The following HRAS variants were observed in gnomAD, a reference collection of about 807,000 sequenced individuals.
HRAS encodes the protein HRas proto-oncogene, GTPase.
HRAS carries 11 observed loss-of-function variants against 19.8 expected under a neutral mutation model. That is an observed-to-expected ratio of 0.55 (90% CI 0.35 to 0.92). The LOEUF (loss-of-function observed/expected upper bound fraction) is 0.92, where lower values mean the gene tolerates loss of function less well. Ranked by LOEUF, HRAS falls within the 40% of genes least tolerant of loss-of-function variation. HRAS has a pLI of 0.01. For missense variants in HRAS, 204 were observed against 255.9 expected, an observed-to-expected ratio of 0.80 and a Z score of 1.38; for synonymous variants, 149 against 105.5, an observed-to-expected ratio of 1.41 and a Z score of -2.52.
At chr11:533,646 G>A (rs45467697) in intron 3 of HRAS, 34 bp from the exon 4 acceptor site, 42 of 1,613,238 alleles carry the variant, frequency 2.6e-5, no homozygotes, top group Admixed American at 5.0e-5. Flanking sequence ...GGCTACGGGG[G>A]CTGCAGGCGC....
At chr11:534,018 G>C (rs2133992716) in intron 2 of HRAS, 74 bp from the exon 3 acceptor site, 1 of 1,506,586 alleles carries the variant, frequency 6.6e-7, no homozygotes, top group Non-Finnish European at 9.1e-7. Flanking sequence ...GCCTCTCCCT[G>C]GTACCTCTCA....
chr11:535,307 GCC>G (rs1851415858), intron 1 of HRAS, 107 bp downstream of exon 1: 1 of 109,878 alleles, frequency 9.1e-6, no homozygotes, highest in African/African-American at 4.3e-5. Context: ...CGCCGCCGCC[GCC>G]GCCGCTTACG....
Position 532,493 on chromosome 11 carries a change from CA to C in HRAS, c.*34del. 8.8e-7 allele frequency: 1 copy of C among 1,135,060 alleles called. No individual in the cohort carries two copies. The highest frequency in any genetic ancestry group is 1.3e-6 in the Non-Finnish European group (1 of 798,344). 70.3% of individuals were successfully genotyped at this position (1,135,060 alleles called of 1,614,324 possible). On this transcript the variant is annotated 3_prime_UTR_variant, in exon 6 of 6. Coordinates refer to ENST00000311189, the MANE Select transcript of HRAS (RefSeq NM_005343.4). ...TCCTTCCGTCTGCACCTCCTTCCTGCATCCGGCACCTCCATGTCCTGAGCTT... is the reference window on the plus strand; with the variant it reads ...TCCTTCCGTCTGCACCTCCTTCCTGCTCCGGCACCTCCATGTCCTGAGCTT...
At chr11:534,105 C>T in intron 2 of HRAS, 107 bp downstream of exon 2, 1 of 1,175,064 alleles carries the variant, frequency 8.5e-7, no homozygotes, top group Non-Finnish European at 1.3e-6. Flanking sequence ...GGAGACAGGG[C>T]CACAGCACCA....
rs1057520421 is a variant in HRAS, at chr11:533,906, C to T, written c.150G>A (p.Thr50=). The T allele has an allele frequency of 1.9e-6, 3 of 1,613,096 alleles. No homozygotes were observed. The highest frequency in any genetic ancestry group is 2.2e-5 in the East Asian group (1 of 44,890). ...CGGTATCCAGGATGTCCAACAGGCA[C>T]GTCTCCCCATCAATGACCACCTGCT... is the stretch of plus-strand genomic sequence containing the variant. ...YRKQVVIDGE[T]CLLDILDTAG... The change falls in exon 3 of 6, where the codon ACG becomes ACA. Residue 50 remains threonine, a synonymous_variant. Coordinates refer to ENST00000311189, the MANE Select transcript of HRAS (RefSeq NM_005343.4).
At position 532,752 on chromosome 11, in the gene HRAS, C is replaced by T. The variant is rs1851183840; in HGVS notation, c.454G>A (p.Val152Met). The T allele has an allele frequency of 6.2e-7, 1 of 1,612,496 alleles. No homozygotes were observed. The change falls in exon 5 of 6, where the codon GTG (valine) becomes ATG (methionine). Residue 152 changes from valine (V) to methionine (M), a missense_variant. Val to Met is a conservative substitution (Grantham distance 21). Around this residue, in one of 4 missense-constraint regions of HRAS, gnomAD observed 142 missense variants for 141.1 expected, o/e 1.01. Coordinates refer to ENST00000311189, the MANE Select transcript of HRAS (RefSeq NM_005343.4). Reference sequence around the variant, plus strand: ...ACCAACGTGTAGAAGGCATCCTCCACTCCCTGGGAAAGGAGGGATGGGATC... The same window carrying T: ...ACCAACGTGTAGAAGGCATCCTCCATTCCCTGGGAAAGGAGGGATGGGATC... ...IETSAKTRQG[V>M]EDAFYTLVRE...
In HRAS at chr11:532,497, C is replaced by T. The variant is rs557256997; in HGVS notation, c.*31G>A. The stretch of plus-strand genomic sequence containing the variant: ...TCCGTCTGCACCTCCTTCCTGCATC[C>T]GGCACCTCCATGTCCTGAGCTTGTG... On this transcript the variant is annotated 3_prime_UTR_variant, in exon 6 of 6. Transcript: ENST00000311189. 8.8e-5 allele frequency: 104 copies of T among 1,183,068 alleles called. No homozygotes were observed. The highest frequency in any genetic ancestry group is 5.9e-4 in the East Asian group (23 of 38,998). 73.3% of individuals were successfully genotyped at this position (1,183,068 alleles called of 1,614,324 possible).
At chr11:534,798 GGTGCCTCCGACAAGTATTTGCTGAGC>G (rs1247475369) in intron 1 of HRAS, among the ~76,000 whole-genome samples, 1 of 152,182 alleles carries the variant, frequency 6.6e-6, no homozygotes, top group Non-Finnish European at 1.5e-5. Context: ...CCGCGGCGCT[GGTGCCTCCGACAAGTATTTGCTGAGC>G]GCCTACTGCG....
In HRAS at chr11:532,472, T is replaced by C. The variant is rs551468158; in HGVS notation, c.*56A>G. The stretch of plus-strand genomic sequence containing the variant: ...GCTTCCGTCCTTCCTTCCTCCTCCT[T>C]CCGTCTGCACCTCCTTCCTGCATCC... On this transcript the variant is annotated 3_prime_UTR_variant, in exon 6 of 6. Transcript: ENST00000311189. The C allele has an allele frequency of 8.7e-5, 82 of 940,382 alleles. No homozygotes were observed. The highest frequency in any genetic ancestry group is 8.3e-4 in the African/African-American group (51 of 61,330). 58.3% of individuals were successfully genotyped at this position (940,382 alleles called of 1,614,324 possible).
In HRAS at chr11:533,474, C is replaced by T; in HGVS notation, c.429G>A (p.Glu143=). Residue 143 remains glutamate, a synonymous_variant, in exon 4 of 6, where the codon GAG becomes GAA. Transcript: ENST00000311189. ...TCACCTGCCGGGTCTTGGCCGAGGT[C>T]TCGATGTAGGGGATGCCGTAGCTTC... is the stretch of plus-strand genomic sequence containing the variant. ...LARSYGIPYI[E]TSAKTRQGVE... is the part of the protein sequence containing the mutation. 3.7e-6 allele frequency: 6 copies of T among 1,613,508 alleles called. No homozygotes were observed. The highest frequency in any genetic ancestry group is 5.1e-6 in the Non-Finnish European group (6 of 1,179,972).
At chr11:533,289 C>A (rs752854703) in intron 4 of HRAS, 164 bp downstream of exon 4, 2 of 1,595,604 alleles carry the variant, frequency 1.3e-6, no homozygotes, top group Non-Finnish European at 8.5e-7. Context: ...CGCGAGGGGC[C>A]GCTGGGTCAC....
chr11:533,231 C>G, intron 4 of HRAS: 2 of 1,491,148 alleles, frequency 1.3e-6, no homozygotes, highest in Non-Finnish European at 9.0e-7. Flanking sequence ...GAGCCCAGAC[C>G]CCGGCCCTCG....
intron 4 of HRAS, chr11:533,154 T>C (rs1400300505): frequency 1.6e-5 from 14 of 891,230 alleles, no homozygotes; most frequent in Non-Finnish European, 2.2e-5. Flanking sequence ...CCGGCCTGGC[T>C]CAGGGCAGCT....
At chr11:534,443 A>G in intron 1 of HRAS, 68 bp from the exon 2 acceptor site, 1 of 785,654 alleles carries the variant, frequency 1.3e-6, no homozygotes, top group Non-Finnish European at 2.1e-6. Flanking sequence ...AGCTGCTGGC[A>G]GGGCCATCTG....
In HRAS at chr11:534,331, AGGGGCCTGCGGCCCG is replaced by A. The variant is rs746959922; in HGVS notation, c.-24_-10del. 1 of 1,608,740 alleles carries A rather than the reference AGGGGCCTGCGGCCCG, an allele frequency of 6.2e-7. No homozygotes were observed. Among genetic ancestry groups the A allele is most frequent in the Admixed American group, 1.7e-5 (1 of 60,002 alleles). ...AGCTTATATTCCGTCATCGCTCCTCAGGGGCCTGCGGCCCGGGGTCCTCCTACAGGGTCTCCTGCC... is the reference window on the plus strand; with the variant it reads ...AGCTTATATTCCGTCATCGCTCCTCAGGGTCCTCCTACAGGGTCTCCTGCC... On this transcript the variant is annotated 5_prime_UTR_variant, in exon 2 of 6. Transcript: ENST00000311189.
intron 3 of HRAS, 23 bp downstream of exon 3, chr11:533,743 C>T (rs375166344): frequency 1.1e-5 from 18 of 1,612,860 alleles, no homozygotes; most frequent in African/African-American, 9.3e-5. Context: ...CGTGGGCTCC[C>T]GGGCCAGCCT....
chr11:535,141 C>G (rs567057809), intron 1 of HRAS: 1 of 151,922 alleles, frequency 6.6e-6, no homozygotes. Context: ...CCGAGGCTCC[C>G]GGGTACGCCG....
intron 5 of HRAS, 47 bp from the exon 6 acceptor site, chr11:532,569 G>T: frequency 6.4e-7 from 1 of 1,574,366 alleles, no homozygotes. Context: ...CAGGAGACCG[G>T]CAGGGGCGGG....
chr11:534,359 AG>A lies in HRAS; in HGVS notation c.-38del. ...GGCCTGCGGCCCGGGGTCCTCCTAC[AG>A]GGTCTCCTGCCCCACCTGCCAAGGA... On this transcript the variant is annotated 5_prime_UTR_variant, in exon 2 of 6. The change creates a premature stop within an existing upstream ORF in the 5' untranslated region. Coordinates refer to ENST00000311189, the MANE Select transcript of HRAS (RefSeq NM_005343.4). The A allele has an allele frequency of 6.5e-7, 1 of 1,536,092 alleles. No homozygotes were observed. The highest frequency in any genetic ancestry group is 8.9e-7 in the Non-Finnish European group (1 of 1,119,488).
Sources: allele counts gnomAD v4.1 joint callset (sites outside exome capture counted in the v4.1 genomes callset), GRCh38; gene constraint gnomAD v4.1.1; regional missense constraint gnomAD v4.1.1; transcripts MANE v1.5; gene names NCBI Gene and HGNC (gene_info 2026-07-23, HGNC 2026-07-21).